NLGN1: variants seen among roughly 807,000 people sequenced by gnomAD.
NLGN1 encodes the protein neuroligin-1.
In NLGN1, 12 loss-of-function variants were observed where a neutral mutation model predicts 65.5. That is an observed-to-expected ratio of 0.18 (90% CI 0.12 to 0.30). NLGN1 has a LOEUF of 0.30. Among genes scored for constraint, NLGN1 ranks in the 10% least tolerant of loss-of-function variants. The probability of loss-of-function intolerance (pLI) is 1.00; values close to 1 mark genes in which losing one functional copy is unlikely to be tolerated. For synonymous variants in NLGN1, 350 were observed against 359.5 expected, an observed-to-expected ratio of 0.97 and a Z score of 0.30; for missense variants, 750 against 1,007.1, an observed-to-expected ratio of 0.74 and a Z score of 3.46.
intron 4 of NLGN1, among the ~76,000 whole-genome samples, chr3:173,860,536 G>A (rs1304694310): frequency 6.6e-6 from 1 of 152,104 alleles, no homozygotes; most frequent in African/African-American, 2.4e-5. Flanking sequence ...AATAAATCAA[G>A]ATGCAGGTGT....
In NLGN1 at chr3:173,694,368, G is replaced by C. The variant is rs1014501622; in HGVS notation, c.493+89277G>C. Among the ~76,000 whole-genome samples the C allele has an allele frequency of 2.0e-5, 3 of 152,124 alleles. No homozygotes were observed. In the East Asian group the frequency reaches 5.8e-4, roughly 29 times the overall value. The stretch of plus-strand genomic sequence containing the variant: ...TTTGGACACTTGAGGGCCAAGTGCG[G>C]TGTTGAAAGCTTGTGAACAATGATA... On this transcript the variant is annotated intron_variant, in intron 3 of 6. Transcript: ENST00000457714.
intron 2 of NLGN1, among the ~76,000 whole-genome samples, chr3:173,528,393 A>G (rs974814337): frequency 2.0e-5 from 3 of 152,064 alleles, no homozygotes; most frequent in African/African-American, 7.2e-5. Flanking sequence ...TTGACCTTGC[A>G]TAGCTTTATA....
chr3:174,064,394 C>T (rs1343472612), intron 4 of NLGN1, among the ~76,000 whole-genome samples: 1 of 151,900 alleles, frequency 6.6e-6, no homozygotes, highest in Non-Finnish European at 1.5e-5. Flanking sequence ...ATCATAACTA[C>T]ATTAACATAT....
chr3:174,194,855 C>T (rs1197758186), intron 4 of NLGN1, among the ~76,000 whole-genome samples: 31 of 98,828 alleles, frequency 3.1e-4, no homozygotes, highest in South Asian at 6.1e-4. Context: ...ATTTTTTTTT[C>T]TTTTTTCTTT....
chr3:173,681,353 C>T (rs867999910), intron 3 of NLGN1, among the ~76,000 whole-genome samples: 1 of 152,158 alleles, frequency 6.6e-6, no homozygotes, highest in African/African-American at 2.4e-5. Flanking sequence ...TAGCTGTTCT[C>T]ACTCTTCTAA....
chr3:173,478,895 TA>T (rs1553862541), intron 2 of NLGN1, among the ~76,000 whole-genome samples: 83 of 142,618 alleles, frequency 5.8e-4, no homozygotes, highest in Middle Eastern at 3.6e-3. Context: ...GTGTCTCGAT[TA>T]AAAAAAAAAA....
intron 2 of NLGN1, among the ~76,000 whole-genome samples, chr3:173,539,340 T>A (rs893749721): frequency 2.7e-5 from 4 of 150,504 alleles, no homozygotes; most frequent in Admixed American, 1.3e-4. Context: ...AACTCACTTG[T>A]GCTTTCAGGA....
chr3:174,048,236 A>G (rs1213234209), intron 4 of NLGN1, among the ~76,000 whole-genome samples: 1 of 152,110 alleles, frequency 6.6e-6, no homozygotes, highest in Non-Finnish European at 1.5e-5. Context: ...TTTAATGTTA[A>G]TTTGATCTGG....
At chr3:173,951,358 A>AT (rs1748172042) in intron 4 of NLGN1, among the ~76,000 whole-genome samples, 1 of 152,022 alleles carries the variant, frequency 6.6e-6, no homozygotes, top group East Asian at 1.9e-4. Context: ...CTTTTTAGCA[A>AT]TTTTGATTAG....
At chr3:174,240,258 AAAC>A (rs1420694664) in intron 4 of NLGN1, among the ~76,000 whole-genome samples, 1 of 152,124 alleles carries the variant, frequency 6.6e-6, no homozygotes, top group Non-Finnish European at 1.5e-5. Flanking sequence ...ATAGAAGAAA[AAAC>A]AAAGTTGAAA....
At chr3:173,443,587 T>C (rs1198871727) in intron 2 of NLGN1, among the ~76,000 whole-genome samples, 1 of 152,148 alleles carries the variant, frequency 6.6e-6, no homozygotes, top group Non-Finnish European at 1.5e-5. Flanking sequence ...AAAAATTTAC[T>C]TTCAGACTTA....
chr3:174,221,656 C>G (rs1229674506), intron 4 of NLGN1, among the ~76,000 whole-genome samples: 1 of 150,780 alleles, frequency 6.6e-6, no homozygotes, highest in Non-Finnish European at 1.5e-5. Flanking sequence ...GCTGCTGTAA[C>G]AAATTGGGTT....
At chr3:173,570,194 A>G (rs1365673991) in intron 2 of NLGN1, among the ~76,000 whole-genome samples, 2 of 152,196 alleles carry the variant, frequency 1.3e-5, no homozygotes, top group African/African-American at 2.4e-5. Flanking sequence ...GTAAGAATTG[A>G]TGGATCTATA....
intron 4 of NLGN1, chr3:173,920,425 A>G (rs953903396): frequency 1.3e-5 from 2 of 152,202 alleles, no homozygotes; most frequent in African/African-American, 4.8e-5. Flanking sequence ...ACATCATATA[A>G]GAAAAATAGA....
intron 4 of NLGN1, among the ~76,000 whole-genome samples, chr3:174,274,228 CTAAAT>C (rs1416233488): frequency 6.6e-6 from 1 of 151,506 alleles, no homozygotes; most frequent in East Asian, 1.9e-4. Context: ...GAAACACTTT[CTAAAT>C]TTTCATTTAT....
At chr3:173,883,716 T>C (rs1185528416) in intron 4 of NLGN1, among the ~76,000 whole-genome samples, 1 of 152,002 alleles carries the variant, frequency 6.6e-6, no homozygotes, top group African/African-American at 2.4e-5. Flanking sequence ...CTGTACTATA[T>C]ATATTGATTT....
chr3:174,241,708 C>T (rs1338607698), intron 4 of NLGN1, among the ~76,000 whole-genome samples: 2 of 151,176 alleles, frequency 1.3e-5, no homozygotes, highest in Non-Finnish European at 2.9e-5. Flanking sequence ...GGCTGGAGTG[C>T]AGTGGCACGA....
chr3:173,549,378 A>G (rs377011956), intron 2 of NLGN1, among the ~76,000 whole-genome samples: 5 of 152,058 alleles, frequency 3.3e-5, no homozygotes, highest in African/African-American at 9.7e-5. Context: ...TTAAATTTGT[A>G]TGGCTACATA....
In NLGN1 at chr3:174,106,980, TCA is replaced by T. The variant is rs370193288; in HGVS notation, c.647-168298_647-168297del. On this transcript the variant is annotated intron_variant, in intron 4 of 6. Coordinates refer to ENST00000457714, the Ensembl canonical transcript of NLGN1. ...ATTCAAATGACAATCTCTTCAAGAA[TCA>T]CACACACACACACACACACACACAC... is the stretch of plus-strand genomic sequence containing the variant. 7.8e-3 allele frequency among the ~76,000 whole-genome samples: 879 copies of T among 113,008 alleles called. 5 individuals are homozygous for T. The highest frequency in any genetic ancestry group is 9.0e-3 in the Admixed American group (90 of 10,024). 74.1% of individuals were successfully genotyped at this position (113,008 alleles called of 152,430 possible).
Sources: allele counts gnomAD v4.1 joint callset (sites outside exome capture counted in the v4.1 genomes callset), GRCh38; gene constraint gnomAD v4.1.1; transcripts MANE v1.5; gene names NCBI Gene and HGNC (gene_info 2026-07-23, HGNC 2026-07-21).